ALK: variants seen among roughly 807,000 people sequenced by gnomAD.
ALK encodes ALK tyrosine kinase receptor.
ALK carries 74 observed loss-of-function variants against 163.1 expected under a neutral mutation model. The ratio of observed to expected loss-of-function variants is 0.45; its 90% CI spans 0.38 to 0.55. ALK has a LOEUF of 0.55. ALK is among the 20% of genes least tolerant of loss of function. The probability of loss-of-function intolerance (pLI) is 0.00; values close to 1 mark genes in which losing one functional copy is unlikely to be tolerated. For missense variants in ALK, 2,063 were observed against 2,105.3 expected (o/e 0.98, Z 0.39); for synonymous variants, 960 against 843.2 (o/e 1.14, Z -2.40).
chr2:29,648,243 A>G (rs566670984), intron 3 of ALK, among the ~76,000 whole-genome samples: 1 of 152,212 alleles, frequency 6.6e-6, no homozygotes, highest in Non-Finnish European at 1.5e-5. Flanking sequence ...TTGAAAAATC[A>G]GTTAGTACTC....
At chr2:29,784,447 G>A (rs1042460564) in intron 1 of ALK, among the ~76,000 whole-genome samples, 9 of 152,136 alleles carry the variant, frequency 5.9e-5, no homozygotes, top group Non-Finnish European at 1.0e-4. Flanking sequence ...TGTAATCCCA[G>A]CACTTTGGAA....
At position 29,193,860 on chromosome 2, in the gene ALK, C is replaced by A. The variant is rs139086136; in HGVS notation, c.4227G>T (p.Glu1409Asp). 1 of 1,613,866 alleles carries A rather than the reference C, an allele frequency of 6.2e-7. No homozygotes were observed. Among genetic ancestry groups the A allele is most frequent in the Non-Finnish European group, 8.5e-7 (1 of 1,179,908 alleles). Reference protein sequence around the residue: ...IEYGPLVEEEEKVPVRPKDPE... With the variant: ...IEYGPLVEEEDKVPVRPKDPE... Reference sequence around the variant, plus strand: ...GGTCCTTGGGCCTCACAGGCACTTTCTCTTCCTCTTCCACAAGTGGACCAT... The same window carrying A: ...GGTCCTTGGGCCTCACAGGCACTTTATCTTCCTCTTCCACAAGTGGACCAT... Residue 1409 changes from glutamate (E) to aspartate (D), a missense_variant, in exon 29 of 29, where the codon GAG (glutamate) becomes GAT (aspartate). Around this residue, in one of 5 missense-constraint regions of ALK, gnomAD observed 403 missense variants for 366.2 expected, o/e 1.10. Transcript: ENST00000389048.
intron 12 of ALK, among the ~76,000 whole-genome samples, chr2:29,247,656 CTG>C (rs1664716593): frequency 6.6e-6 from 1 of 152,176 alleles, no homozygotes; most frequent in African/African-American, 2.4e-5. Context: ...GTGTTTCCAA[CTG>C]TGTACATCCT....
chr2:29,783,291 C>G (rs1021122431), intron 1 of ALK, among the ~76,000 whole-genome samples: 1 of 152,146 alleles, frequency 6.6e-6, no homozygotes, highest in African/African-American at 2.4e-5. Context: ...AGTTTTCTCT[C>G]TTTTCAAATG....
At chr2:29,258,010 T>C (rs1489345223) in intron 11 of ALK, among the ~76,000 whole-genome samples, 1 of 152,164 alleles carries the variant, frequency 6.6e-6, no homozygotes, top group East Asian at 1.9e-4. Flanking sequence ...AGCTAAATTT[T>C]AAATTTTCTG....
At chr2:29,621,275 C>T (rs112198827) in intron 3 of ALK, among the ~76,000 whole-genome samples, 3,854 of 151,946 alleles carry the variant, frequency 0.025, 90 homozygotes, top group South Asian at 0.056. Context: ...ATGAATTGTT[C>T]ATCGCTTTTT....
intron 4 of ALK, among the ~76,000 whole-genome samples, chr2:29,440,328 T>TTC (rs1670507825): frequency 6.6e-6 from 1 of 151,140 alleles, no homozygotes; most frequent in African/African-American, 2.4e-5. Flanking sequence ...ATTTTTTTTT[T>TTC]TTTTTTTTGA....
intron 5 of ALK, among the ~76,000 whole-genome samples, chr2:29,380,105 C>CGTTTTTTT (rs1668858775): frequency 4.4e-5 from 6 of 137,822 alleles, no homozygotes; most frequent in African/African-American, 1.6e-4. Flanking sequence ...GTGCTGCACA[C>CGTTTTTTT]TTTTTTTTTT....
At position 29,502,860 on chromosome 2, in the gene ALK, C is replaced by T. The variant is rs188579863; in HGVS notation, c.1154+29055G>A. 6.5e-4 allele frequency among the ~76,000 whole-genome samples: 99 copies of T among 152,172 alleles called. 1 individual carries two copies. The highest frequency in any genetic ancestry group is 3.4e-3 in the Middle Eastern group (1 of 294). The stretch of plus-strand genomic sequence containing the variant: ...AGGATTGGTGAGGGAATCATTCAGC[C>T]GTGATTACAGCTGGAATGCATGCAG... On this transcript the variant is annotated intron_variant, in intron 4 of 28. Transcript: ENST00000389048.
In ALK at chr2:29,496,350, C is replaced by T. The variant is rs144558672; in HGVS notation, c.1154+35565G>A. Among the ~76,000 whole-genome samples the T allele has an allele frequency of 6.8e-4, 104 of 152,248 alleles. 1 individual carries two copies. Among genetic ancestry groups the T allele is most frequent in the African/African-American group, 2.4e-3 (99 of 41,558 alleles). On this transcript the variant is annotated intron_variant, in intron 4 of 28. Transcript: ENST00000389048. ...ACTTTTTCATCAGGCAGTGTGGGCT[C>T]GTGGAACTAATACAGACAAACTAGA...
At chr2:29,222,976 G>A (rs911442757) in intron 20 of ALK, among the ~76,000 whole-genome samples, 1 of 152,150 alleles carries the variant, frequency 6.6e-6, no homozygotes, top group African/African-American at 2.4e-5. Context: ...GTACTGGCTG[G>A]GGAGTATTTC....
intron 3 of ALK, among the ~76,000 whole-genome samples, chr2:29,553,303 T>C (rs1205528979): frequency 6.6e-6 from 1 of 152,166 alleles, no homozygotes; most frequent in African/African-American, 2.4e-5. Flanking sequence ...GGCACCATCT[T>C]GAAGCAGAGA....
At chr2:29,453,136 T>C (rs1405758573) in intron 4 of ALK, among the ~76,000 whole-genome samples, 1 of 152,224 alleles carries the variant, frequency 6.6e-6, no homozygotes, top group African/African-American at 2.4e-5. Context: ...TATGTTTTAG[T>C]TAGATAAGAT....
intron 23 of ALK, among the ~76,000 whole-genome samples, chr2:29,219,511 C>A (rs950958206): frequency 1.3e-5 from 2 of 152,144 alleles, no homozygotes; most frequent in African/African-American, 4.8e-5. Flanking sequence ...AGGGTGGCCG[C>A]TGCTTTTACT....
chr2:29,637,709 C>CAAACAAAAAAAAA (rs1173686585), intron 3 of ALK, among the ~76,000 whole-genome samples: 26 of 112,344 alleles, frequency 2.3e-4, no homozygotes, highest in African/African-American at 1.0e-3. Flanking sequence ...ACTCCGTCTC[C>CAAACAAAAAAAAA]AAAAAAAAAA....
rs143192949 is a variant in ALK at position 29,653,171 on chromosome 2, C to T, written c.952+41679G>A. Among the ~76,000 whole-genome samples the T allele has an allele frequency of 2.0e-4, 31 of 152,152 alleles. No individual in the cohort carries two copies. In the East Asian group the frequency reaches 4.3e-3, roughly 21 times the overall value. ...CAGAACTTCCTGCTTGCTTGGTGTG[C>T]GGGGAAAATCTCCATACATGTGGTC... On this transcript the variant is annotated intron_variant, in intron 3 of 28. Transcript: ENST00000389048.
At chr2:29,323,048 T>G (rs1451439303) in intron 6 of ALK, among the ~76,000 whole-genome samples, 2 of 152,214 alleles carry the variant, frequency 1.3e-5, no homozygotes, top group Non-Finnish European at 2.9e-5. Flanking sequence ...TCCGGACATA[T>G]GGGCTCTAGT....
intron 23 of ALK, among the ~76,000 whole-genome samples, chr2:29,215,883 G>T (rs1373502270): frequency 6.6e-6 from 1 of 152,202 alleles, no homozygotes; most frequent in Admixed American, 6.5e-5. Flanking sequence ...ATCTGTGACA[G>T]TGGCGTGGGA....
In ALK at chr2:29,219,935, T is replaced by TGAGA. The variant is rs539180735; in HGVS notation, c.3645+767_3645+770dup. 2.2e-4 allele frequency among the ~76,000 whole-genome samples: 33 copies of TGAGA among 152,304 alleles called. No individual in the cohort carries two copies. The South Asian group carries it at 6.6e-3, about 31-fold the overall frequency. The stretch of plus-strand genomic sequence containing the variant: ...ATGTCCAGGTATTATTATCCCTACT[T>TGAGA]GAGACGTGAGGACTGTGGGCTCTGA... On this transcript the variant is annotated intron_variant, in intron 23 of 28. Transcript: ENST00000389048.
Sources: allele counts gnomAD v4.1 joint callset (sites outside exome capture counted in the v4.1 genomes callset), GRCh38; gene constraint gnomAD v4.1.1; regional missense constraint gnomAD v4.1.1; transcripts MANE v1.5; gene names NCBI Gene and HGNC (gene_info 2026-07-23, HGNC 2026-07-21).